GRK1: variants seen among roughly 807,000 people sequenced by gnomAD.
GRK1 encodes the protein G protein-coupled receptor kinase 1.
GRK1 carries 28 observed loss-of-function variants against 41.7 expected under a neutral mutation model. The observed-to-expected ratio is 0.67, with a 90% CI of 0.50 to 0.92. The LOEUF (loss-of-function observed/expected upper bound fraction) is 0.92, where lower values mean the gene tolerates loss of function less well. Among genes scored for constraint, GRK1 ranks in the 40% least tolerant of loss-of-function variants. GRK1 has a pLI of 0.00. For missense variants in GRK1, 703 were observed against 671.2 expected (o/e 1.05, Z -0.52); for synonymous variants, 327 against 286.7 (o/e 1.14, Z -1.42).
In GRK1 at chr13:113,731,735, A is replaced by G. The variant is rs1022740175; in HGVS notation, c.1194+392A>G. Reference sequence around the variant, plus strand: ...GCCCCAGACCCTGGGCAGTGGGACAAACCACCTTTTGTGGTTTGGGGTGGA... The same window carrying G: ...GCCCCAGACCCTGGGCAGTGGGACAGACCACCTTTTGTGGTTTGGGGTGGA... On this transcript the variant is annotated intron_variant, in intron 5 of 6. Transcript: ENST00000335678. The surrounding 1 kb of genome is among the most constrained non-coding windows in gnomAD (Gnocchi z 5.6). Among the ~76,000 whole-genome samples, 5 of 152,104 alleles carry G rather than the reference A, an allele frequency of 3.3e-5. No homozygotes were observed. The highest frequency in any genetic ancestry group is 7.4e-5 in the Non-Finnish European group (5 of 67,994).
At chr13:113,665,460 G>A (rs1456626814), upstream of GRK1, among the ~76,000 whole-genome samples, 1 of 150,568 alleles carries the variant, frequency 6.6e-6, no homozygotes, top group African/African-American at 2.5e-5. Flanking sequence ...TGCCCCAGTT[G>A]CATTCCATGT....
the GRK1 span, among the ~76,000 whole-genome samples, chr13:113,653,868 G>T: frequency 6.1e-4 from 93 of 152,354 alleles, no homozygotes; most frequent in Non-Finnish European, 1.0e-3. Context: ...CACACAGCGG[G>T]GAGTGAAACG....
chr13:113,671,610 C>A lies in GRK1; in HGVS notation c.939C>A (p.Ile313=). 1 of 771,952 alleles carries A rather than the reference C, an allele frequency of 1.3e-6. No individual in the cohort carries two copies. The highest frequency in any genetic ancestry group is 2.4e-6 in the Non-Finnish European group (1 of 417,750). The allele number at this position is 771,952 out of a possible 1,614,324, so 47.8% of individuals were successfully genotyped here. Residue 313 remains isoleucine, a synonymous_variant, in exon 3 of 7, where the codon ATC becomes ATA. Coordinates refer to ENST00000335678, the MANE Select transcript of GRK1 (RefSeq NM_002929.3). This position sits in a 1 kb window ranked among gnomAD's most constrained non-coding sequence, Gnocchi z 4.1. The part of the protein sequence containing the change: ...CGLEHLHQRR[I]VYRDLKPENV... ...TGGAGCACCTGCACCAGAGGCGGAT[C>A]GTCTACCGCGACCTCAAGCCCGAGA...
the GRK1 span, chr13:113,651,719 C>A: frequency 1.2e-6 from 2 of 1,613,824 alleles, no homozygotes; most frequent in Non-Finnish European, 1.7e-6. Flanking sequence ...TGGGGAGGAA[C>A]TTGACGATCT....
chr13:113,648,241 A>G, the GRK1 span, among the ~76,000 whole-genome samples: 1 of 152,236 alleles, frequency 6.6e-6, no homozygotes, highest in Non-Finnish European at 1.5e-5. Context: ...AGCGTCTTCC[A>G]TCGGTAAATT....
chr13:113,649,302 A>C, the GRK1 span: 1 of 1,507,074 alleles, frequency 6.6e-7, no homozygotes, highest in Non-Finnish European at 8.9e-7. This position sits in a 1 kb window ranked among gnomAD's most constrained non-coding sequence, Gnocchi z 4.7. Flanking sequence ...ACTGACGGGC[A>C]AGGTAAGCCC....
At chr13:113,665,228 A>G (rs74992307), upstream of GRK1, among the ~76,000 whole-genome samples, 4,147 of 152,250 alleles carry the variant, frequency 0.027, 186 homozygotes, top group African/African-American at 0.095. Context: ...ATTCCTCCTC[A>G]TTCTTCTCCA....
the GRK1 span, among the ~76,000 whole-genome samples, chr13:113,661,463 C>A: frequency 6.6e-6 from 1 of 151,884 alleles, no homozygotes; most frequent in Admixed American, 6.5e-5. Flanking sequence ...TAAAACAAAG[C>A]AAAAGCAAGC....
In GRK1 at chr13:113,670,780, C is replaced by T. The variant is rs533054832; in HGVS notation, c.828-719C>T. Among the ~76,000 whole-genome samples, 705 of 126,014 alleles carry T rather than the reference C, an allele frequency of 5.6e-3. 4 individuals are homozygous for T. Among genetic ancestry groups the T allele is most frequent in the Middle Eastern group, 0.017 (4 of 236 alleles). 82.7% of individuals were successfully genotyped at this position (126,014 alleles called of 152,430 possible). ...GGGTGCCCAGGCGGAGGGGAGGGGG[C>T]GCTGGGAAACGCAGACACGGGGGTG... On this transcript the variant is annotated intron_variant, in intron 2 of 6. Coordinates refer to ENST00000335678, the MANE Select transcript of GRK1 (RefSeq NM_002929.3).
rs1448146413 is a variant in GRK1 at position 113,733,937 on chromosome 13, CGTGTGTGCGT to C, written c.1396+861_1396+870del. ...GTGTGCGTGTGTGCATGTGTGCATA[CGTGTGTGCGT>C]GTGTGTGCATACGTGTGTGTGCGTG... is the stretch of plus-strand genomic sequence containing the variant. On this transcript the variant is annotated intron_variant, in intron 6 of 6. Coordinates refer to ENST00000335678, the MANE Select transcript of GRK1 (RefSeq NM_002929.3). Among the ~76,000 whole-genome samples, 40 of 95,788 alleles carry C rather than the reference CGTGTGTGCGT, an allele frequency of 4.2e-4. 1 individual carries two copies. In the East Asian group the frequency reaches 0.011, roughly 27 times the overall value. 62.8% of individuals were successfully genotyped at this position (95,788 alleles called of 152,430 possible). A position where few individuals can be genotyped will look rare whatever the true frequency, so the allele number is the denominator to read the frequency against.
intron 3 of GRK1, among the ~76,000 whole-genome samples, chr13:113,672,366 C>CTGTA (rs1262890241): frequency 0.16 from 527 of 3,238 alleles, 11 homozygotes; most frequent in African/African-American, 0.31. Flanking sequence ...GGTGTGGTAT[C>CTGTA]TGGTGTGGTA....
intron 6 of GRK1, 40 bp from the exon 7 acceptor site, chr13:113,735,028 C>G: frequency 6.9e-7 from 1 of 1,452,558 alleles, no homozygotes; most frequent in Non-Finnish European, 9.1e-7. Flanking sequence ...TTCCTTCCCA[C>G]CACGAGGAGC....
chr13:113,733,685 A>T (rs1321095613), intron 6 of GRK1, among the ~76,000 whole-genome samples: 1 of 83,748 alleles, frequency 1.2e-5, no homozygotes, highest in African/African-American at 4.8e-5. Flanking sequence ...GTGTGCATGT[A>T]TGTGTGCATA....
the GRK1 span, chr13:113,650,583 G>T: frequency 8.6e-7 from 1 of 1,168,288 alleles, no homozygotes. The surrounding 1 kb of genome is among the most constrained non-coding windows in gnomAD (Gnocchi z 5.0). Context: ...GTTTGTGTGC[G>T]TGTGTGCACA....
At chr13:113,653,131 C>G in the GRK1 span, 1 of 1,558,054 alleles carries the variant, frequency 6.4e-7, no homozygotes, top group South Asian at 1.2e-5. Flanking sequence ...CTGGCTGCCC[C>G]CCGGGAAGGC....
At chr13:113,651,389 T>G in the GRK1 span, among the ~76,000 whole-genome samples, 129 of 152,356 alleles carry the variant, frequency 8.5e-4, 2 homozygotes, top group South Asian at 0.025. Flanking sequence ...TGCACTGGTC[T>G]TTCCACATCG....
At chr13:113,654,986 T>TA in the GRK1 span, 1 of 1,611,274 alleles carries the variant, frequency 6.2e-7, no homozygotes. Flanking sequence ...TCAGCCATTT[T>TA]AACGCACACA....
At position 113,731,946 on chromosome 13, in the gene GRK1, C is replaced by T. The variant is rs2049940189; in HGVS notation, c.1194+603C>T. ...TGCTCTGAATGTCCCGGAGTGTGGA[C>T]ACCTAGTGGGGCTGCTGGGTCTCCC... On this transcript the variant is annotated intron_variant, in intron 5 of 6. Coordinates refer to ENST00000335678, the MANE Select transcript of GRK1 (RefSeq NM_002929.3). This position sits in a 1 kb window ranked among gnomAD's most constrained non-coding sequence, Gnocchi z 5.6. Among the ~76,000 whole-genome samples, 1 of 152,196 alleles carries T rather than the reference C, an allele frequency of 6.6e-6. No individual in the cohort carries two copies. The highest frequency in any genetic ancestry group is 2.4e-5 in the African/African-American group (1 of 41,454).
In GRK1 at chr13:113,734,642, T is replaced by C. The variant is rs143599751; in HGVS notation, c.1397-426T>C. ...GTTGGAAGGAAGCTGCCAAGTTCAC[T>C]GGAGCGTGTGCTTGAGTGCCTGGGG... On this transcript the variant is annotated intron_variant, in intron 6 of 6. Transcript: ENST00000335678. 880 of 158,130 alleles carry C rather than the reference T, an allele frequency of 5.6e-3. 9 individuals carry two copies. The highest frequency in any genetic ancestry group is 0.02 in the African/African-American group (844 of 41,746). The allele number at this position is 158,130 out of a possible 1,614,324, so 9.8% of individuals were successfully genotyped here.
Sources: allele counts gnomAD v4.1 joint callset (sites outside exome capture counted in the v4.1 genomes callset), GRCh38; gene constraint gnomAD v4.1.1; non-coding constraint Gnocchi (gnomAD v3.1); transcripts MANE v1.5; gene names NCBI Gene and HGNC (gene_info 2026-07-23, HGNC 2026-07-21).